Variants in FHIT observed in about 807,000 individuals in gnomAD.
FHIT encodes bis(5'-adenosyl)-triphosphatase.
FHIT carries 19 observed loss-of-function variants against 17.9 expected under a neutral mutation model. The ratio of observed to expected loss-of-function variants is 1.06; its 90% CI spans 0.74 to 1.56. The LOEUF is 1.56. Ranked by LOEUF, FHIT falls within the 40% of genes most tolerant of loss-of-function variation. The probability of loss-of-function intolerance (pLI) is 0.00; values close to 1 mark genes in which losing one functional copy is unlikely to be tolerated. For synonymous variants in FHIT, 81 were observed against 69.7 expected, an observed-to-expected ratio of 1.16 and a Z score of -0.81; for missense variants, 248 against 189.2, an observed-to-expected ratio of 1.31 and a Z score of -1.82.
chr3:61,083,829 A>G (rs1282976265), intron 2 of FHIT, among the ~76,000 whole-genome samples: 2 of 152,176 alleles, frequency 1.3e-5, no homozygotes, highest in Non-Finnish European at 2.9e-5. Flanking sequence ...TGCAGCATAT[A>G]TGAGTACTTC....
intron 8 of FHIT, among the ~76,000 whole-genome samples, chr3:59,879,802 T>G (rs554047553): frequency 2.5e-4 from 38 of 152,296 alleles, no homozygotes; most frequent in African/African-American, 8.4e-4. Flanking sequence ...GAATGAAGAC[T>G]CTGGCTCAGT....
At chr3:60,766,848 C>G (rs1553721561) in intron 4 of FHIT, among the ~76,000 whole-genome samples, 1 of 151,158 alleles carries the variant, frequency 6.6e-6, no homozygotes, top group Non-Finnish European at 1.5e-5. Context: ...AGATCCTTAT[C>G]CCTGAAGAAG....
intron 5 of FHIT, among the ~76,000 whole-genome samples, chr3:60,407,963 C>T (rs1265430416): frequency 6.6e-6 from 1 of 152,130 alleles, no homozygotes; most frequent in Non-Finnish European, 1.5e-5. Flanking sequence ...AAGCCACTAA[C>T]AGAGAAAGTC....
rs529679121 is a variant in FHIT, at chr3:60,057,165, G to C, written c.104-43013C>G. On this transcript the variant is annotated intron_variant, in intron 5 of 9. Coordinates refer to ENST00000492590, the MANE Select transcript of FHIT (RefSeq NM_002012.4). ...TGAACACCTACTAGAAGCCAAGCCAGGTACATCCTATGCATTATTTCATAT... is the reference window on the plus strand; with the variant it reads ...TGAACACCTACTAGAAGCCAAGCCACGTACATCCTATGCATTATTTCATAT... Among the ~76,000 whole-genome samples the C allele has an allele frequency of 2.0e-5, 3 of 152,306 alleles. No individual in the cohort carries two copies. The East Asian group carries it at 5.8e-4, about 29-fold the overall frequency.
chr3:60,749,447 G>C (rs994962082), intron 4 of FHIT, among the ~76,000 whole-genome samples: 1 of 152,132 alleles, frequency 6.6e-6, no homozygotes, highest in Non-Finnish European at 1.5e-5. Context: ...ACTGATGTCT[G>C]GGATGGAGGG....
chr3:60,523,722 G>T (rs1329547537), intron 5 of FHIT, among the ~76,000 whole-genome samples: 1 of 152,184 alleles, frequency 6.6e-6, no homozygotes, highest in Non-Finnish European at 1.5e-5. Context: ...CTCAGCTGAG[G>T]AAATAACTGA....
At chr3:61,001,174 T>C (rs2107603700) in intron 3 of FHIT, among the ~76,000 whole-genome samples, 1 of 152,300 alleles carries the variant, frequency 6.6e-6, no homozygotes, top group East Asian at 1.9e-4. Flanking sequence ...CTGGTGAGGA[T>C]GCAGAGACAC....
chr3:60,379,487 C>G (rs1170741740), intron 5 of FHIT, among the ~76,000 whole-genome samples: 2 of 152,076 alleles, frequency 1.3e-5, no homozygotes, highest in African/African-American at 4.8e-5. Context: ...ATTTTAGTAA[C>G]ACTAACACTT....
intron 5 of FHIT, among the ~76,000 whole-genome samples, chr3:60,355,307 G>A (rs1333397664): frequency 6.6e-6 from 1 of 152,022 alleles, no homozygotes; most frequent in Non-Finnish European, 1.5e-5. Flanking sequence ...AATTATTACT[G>A]CCATCAATTG....
Position 59,839,924 on chromosome 3 carries a change from G to A in FHIT, c.348+82422C>T, listed in dbSNP as rs1006262298. On this transcript the variant is annotated intron_variant, in intron 8 of 9. Coordinates refer to ENST00000492590, the MANE Select transcript of FHIT (RefSeq NM_002012.4). Reference sequence around the variant, plus strand: ...GACAAGGTCCCTCAAGGGAGAAGTTGGCATTAAACCTCACTCTTAAAGATG... The same window carrying A: ...GACAAGGTCCCTCAAGGGAGAAGTTAGCATTAAACCTCACTCTTAAAGATG... 2.6e-5 allele frequency among the ~76,000 whole-genome samples: 4 copies of A among 152,186 alleles called. 1 individual carries two copies. Among genetic ancestry groups the A allele is most frequent in the African/African-American group, 9.7e-5 (4 of 41,438 alleles).
chr3:60,582,625 T>TA (rs34327357), intron 4 of FHIT, among the ~76,000 whole-genome samples: 1,614 of 151,126 alleles, frequency 0.011, 29 homozygotes, highest in African/African-American at 0.036. Flanking sequence ...GTATTTGGGA[T>TA]AAAAAAAAAT....
At chr3:61,084,615 A>G (rs73839215) in intron 2 of FHIT, among the ~76,000 whole-genome samples, 6,122 of 152,230 alleles carry the variant, frequency 0.04, 218 homozygotes, top group African/African-American at 0.092. Flanking sequence ...ATATATTCCT[A>G]TGTTTTTAAT....
intron 8 of FHIT, among the ~76,000 whole-genome samples, chr3:59,809,024 G>A (rs1156389310): frequency 2.0e-5 from 3 of 152,118 alleles, no homozygotes; most frequent in Admixed American, 6.5e-5. Flanking sequence ...CCCAAGACCT[G>A]GAAATCATGT....
intron 2 of FHIT, among the ~76,000 whole-genome samples, chr3:61,042,558 G>T (rs1164261572): frequency 1.3e-5 from 2 of 152,118 alleles, no homozygotes; most frequent in Non-Finnish European, 2.9e-5. Context: ...ATTTAAACAG[G>T]CAGGGTGCAG....
At chr3:60,539,732 A>G (rs542370447) in intron 4 of FHIT, among the ~76,000 whole-genome samples, 5 of 152,056 alleles carry the variant, frequency 3.3e-5, no homozygotes, top group Non-Finnish European at 7.4e-5. Flanking sequence ...ATAGGTGGGA[A>G]TTGAACAATG....
chr3:60,023,769 G>C (rs958449059), intron 5 of FHIT, among the ~76,000 whole-genome samples: 4 of 152,104 alleles, frequency 2.6e-5, no homozygotes, highest in Non-Finnish European at 5.9e-5. Context: ...TAGGATTCCT[G>C]GTGCTACACA....
chr3:60,778,008 G>C (rs1401960134), intron 4 of FHIT, among the ~76,000 whole-genome samples: 2 of 152,088 alleles, frequency 1.3e-5, no homozygotes, highest in African/African-American at 4.8e-5. Flanking sequence ...ACTTCAGAGG[G>C]CCCCCGATGT....
At position 60,594,317 on chromosome 3, in the gene FHIT, T is replaced by C. The variant is rs374691771; in HGVS notation, c.-17-57338A>G. 8.5e-5 allele frequency among the ~76,000 whole-genome samples: 13 copies of C among 152,210 alleles called. No individual in the cohort carries two copies. In the East Asian group the frequency reaches 2.5e-3, roughly 30 times the overall value. On this transcript the variant is annotated intron_variant, in intron 4 of 9. Transcript: ENST00000492590. The stretch of plus-strand genomic sequence containing the variant: ...ACACAACCATTGTAACTCTAGCCCA[T>C]GGGAAGCTGAACATTCAATGGACAG...
intron 5 of FHIT, among the ~76,000 whole-genome samples, chr3:60,035,721 C>A (rs547732437): frequency 6.6e-6 from 1 of 152,312 alleles, no homozygotes; most frequent in South Asian, 2.1e-4. Flanking sequence ...AACTGTCCTT[C>A]CAATTTTGTT....
Sources: allele counts gnomAD v4.1 joint callset (sites outside exome capture counted in the v4.1 genomes callset), GRCh38; gene constraint gnomAD v4.1.1; transcripts MANE v1.5; gene names NCBI Gene and HGNC (gene_info 2026-07-23, HGNC 2026-07-21).